The following RASGRP1 variants were observed in gnomAD, a reference collection of about 807,000 sequenced individuals.
RASGRP1 encodes the protein RAS guanyl releasing protein 1, also known as RAS guanyl-releasing protein 1.
A neutral mutation model predicts 95.1 loss-of-function variants in RASGRP1; 37 were observed. That is an observed-to-expected ratio of 0.39 (90% CI 0.30 to 0.51). RASGRP1 has a LOEUF of 0.51. Ranked by LOEUF, RASGRP1 falls within the 20% of genes least tolerant of loss-of-function variation. The pLI is 0.80. For missense variants in RASGRP1, 711 were observed against 965.4 expected (o/e 0.74, Z 3.49); for synonymous variants, 325 against 353.4 (o/e 0.92, Z 0.90).
chr15:38,553,572 C>G (rs1595882731), intron 2 of RASGRP1, among the ~76,000 whole-genome samples: 1 of 152,172 alleles, frequency 6.6e-6, no homozygotes, highest in East Asian at 1.9e-4. Flanking sequence ...TAGACCCTCC[C>G]AGCACCATAG....
At chr15:38,500,174 T>A (rs762523044) in intron 13 of RASGRP1, 35 bp from the exon 14 acceptor site, 2 of 1,607,798 alleles carry the variant, frequency 1.2e-6, no homozygotes, top group East Asian at 4.5e-5. Context: ...CCACATGTCA[T>A]TCATCCATCT....
At chr15:38,514,369 TATTC>T (rs1312105218) in intron 6 of RASGRP1, among the ~76,000 whole-genome samples, 1 of 152,164 alleles carries the variant, frequency 6.6e-6, no homozygotes, top group East Asian at 1.9e-4. Context: ...ATTTTGAATA[TATTC>T]ATTCAATTAA....
chr15:38,500,748 A>T (rs1389105415), intron 13 of RASGRP1, among the ~76,000 whole-genome samples: 1 of 152,182 alleles, frequency 6.6e-6, no homozygotes, highest in Non-Finnish European at 1.5e-5. Context: ...AGAGCCTTGC[A>T]TCAGGACCCG....
intron 4 of RASGRP1, among the ~76,000 whole-genome samples, chr15:38,518,998 A>G (rs62003618): frequency 6.6e-6 from 1 of 152,230 alleles, no homozygotes; most frequent in African/African-American, 2.4e-5. Flanking sequence ...ATTCTTTTCT[A>G]CATTTTTAAA....
At chr15:38,499,071 C>A (rs1418897808) in intron 14 of RASGRP1, 125 bp from the exon 15 acceptor site, 14 of 1,284,358 alleles carry the variant, frequency 1.1e-5, no homozygotes, top group Non-Finnish European at 1.6e-5. Flanking sequence ...GGAGCTAAGA[C>A]ACTTAACATT....
intron 3 of RASGRP1, among the ~76,000 whole-genome samples, chr15:38,524,970 C>T (rs372722920): frequency 0.039 from 5,516 of 140,858 alleles, 376 homozygotes; most frequent in African/African-American, 0.14. Context: ...AATTTTCTTT[C>T]TTTTTTTTTT....
At chr15:38,519,278 C>T in intron 4 of RASGRP1, 31 bp downstream of exon 4, 1 of 1,508,092 alleles carries the variant, frequency 6.6e-7, no homozygotes, top group Non-Finnish European at 9.2e-7. Flanking sequence ...CCTTGCTCCA[C>T]AAAGTCTTGA....
At chr15:38,544,117 G>C (rs1326217869) in intron 2 of RASGRP1, among the ~76,000 whole-genome samples, 1 of 152,044 alleles carries the variant, frequency 6.6e-6, no homozygotes, top group Non-Finnish European at 1.5e-5. Context: ...TCATATTCTA[G>C]GGCTAAAGTA....
intron 2 of RASGRP1, among the ~76,000 whole-genome samples, chr15:38,559,225 C>T (rs777980206): frequency 1.3e-4 from 20 of 152,194 alleles, no homozygotes; most frequent in Non-Finnish European, 2.6e-4. Flanking sequence ...CTGTGCCTCC[C>T]TCATGGTGGG....
At chr15:38,526,733 G>C (rs981250407) in intron 2 of RASGRP1, among the ~76,000 whole-genome samples, 4 of 152,124 alleles carry the variant, frequency 2.6e-5, no homozygotes, top group Non-Finnish European at 5.9e-5. Flanking sequence ...CATATAACTG[G>C]TTGGGGGGTG....
At chr15:38,502,976 C>T (rs2141093802) in intron 11 of RASGRP1, 1 of 438,532 alleles carries the variant, frequency 2.3e-6, no homozygotes, top group Non-Finnish European at 4.1e-6. Context: ...CTGATTACCC[C>T]TTACTATACT....
At chr15:38,525,432 T>C (rs111851699) in intron 3 of RASGRP1, among the ~76,000 whole-genome samples, 2 of 152,168 alleles carry the variant, frequency 1.3e-5, no homozygotes, top group South Asian at 4.1e-4. Context: ...CACCCACTTA[T>C]TACCTGCACC....
Position 38,532,313 on chromosome 15 carries a change from G to A in RASGRP1, c.221-5909C>T, listed in dbSNP as rs550295906. ...TTACAGGAAAAGACTTCTTTAAAGG[G>A]TTGAAGCCTCAGTGGGGTACACAAT... On this transcript the variant is annotated intron_variant, in intron 2 of 16. Coordinates refer to ENST00000310803, the MANE Select transcript of RASGRP1 (RefSeq NM_005739.4). Among the ~76,000 whole-genome samples, 67 of 152,282 alleles carry A rather than the reference G, an allele frequency of 4.4e-4. No homozygotes were observed. The South Asian group carries it at 0.013, about 31-fold the overall frequency.
chr15:38,503,337 C>A lies in RASGRP1; in HGVS notation c.1363G>T (p.Ala455Ser). 1 of 1,612,448 alleles carries A rather than the reference C, an allele frequency of 6.2e-7. No homozygotes were observed. The highest frequency in any genetic ancestry group is 8.5e-7 in the Non-Finnish European group (1 of 1,179,250). ...TCAGGTTTGGGAGACACTCCAGAAG[C>A]CCAGTCCACTACTACTGGTGGCTTT... ...PSKPPVVVDW[A>S]SGVSPKPDPK... Residue 455 changes from alanine to serine, a missense_variant, in exon 11 of 17, where the codon GCT becomes TCT. Coordinates refer to ENST00000310803, the MANE Select transcript of RASGRP1 (RefSeq NM_005739.4).
rs71418810 is a variant in RASGRP1, at chr15:38,493,179, C to CTTTTT, written c.2259+1198_2259+1202dup. Among the ~76,000 whole-genome samples the CTTTTT allele has an allele frequency of 2.0e-4, 21 of 104,532 alleles. 1 individual carries two copies. Among genetic ancestry groups the CTTTTT allele is most frequent in the Non-Finnish European group, 3.6e-4 (19 of 53,454 alleles). The allele number at this position is 104,532 out of a possible 152,430, so 68.6% of individuals were successfully genotyped here. ...ACAGGCGTGAGCCACCACGCCGGGC[C>CTTTTT]TTTTTTTTTTTTTTTTTTTTTTAAG... On this transcript the variant is annotated intron_variant, in intron 16 of 16. Transcript: ENST00000310803.
At chr15:38,555,317 A>G (rs550910934) in intron 2 of RASGRP1, among the ~76,000 whole-genome samples, 1 of 152,350 alleles carries the variant, frequency 6.6e-6, no homozygotes, top group South Asian at 2.1e-4. Context: ...ACTGATTCAC[A>G]CTTTGCTCAA....
rs144438778 is a variant in RASGRP1 at position 38,525,712 on chromosome 15, G to T, written c.326+587C>A. ...ACTCCGCCTACAACTCTTCTTTTGT[G>T]GGGGCTGCTGCTTACAGTGTCATCA... is the stretch of plus-strand genomic sequence containing the variant. On this transcript the variant is annotated intron_variant, in intron 3 of 16. Transcript: ENST00000310803. Among the ~76,000 whole-genome samples, 139 of 152,296 alleles carry T rather than the reference G, an allele frequency of 9.1e-4. 1 individual carries two copies. The highest frequency in any genetic ancestry group is 3.1e-3 in the African/African-American group (129 of 41,568).
Position 38,562,859 on chromosome 15 carries a change from A to C in RASGRP1, c.35+1735T>G, listed in dbSNP as rs780422651. Among the ~76,000 whole-genome samples the C allele has an allele frequency of 4.0e-4, 61 of 152,206 alleles. 2 individuals are homozygous for C. Among genetic ancestry groups the C allele is most frequent in the South Asian group, 1.5e-3 (7 of 4,824 alleles). On this transcript the variant is annotated intron_variant, in intron 1 of 16. Transcript: ENST00000310803. ...GTTTCCTAGTGTCACCAGTAAGAGAAACCGCTTTGTTTCATAAGTGGATTC... is the reference window on the plus strand; with the variant it reads ...GTTTCCTAGTGTCACCAGTAAGAGACACCGCTTTGTTTCATAAGTGGATTC...
intron 1 of RASGRP1, among the ~76,000 whole-genome samples, chr15:38,560,702 A>C (rs1335851633): frequency 6.6e-6 from 1 of 152,190 alleles, no homozygotes; most frequent in East Asian, 1.9e-4. Context: ...TTCATGGTTG[A>C]TAATACAGGT....
Sources: gnomAD v4.1 joint callset for allele counts (sites outside exome capture counted in the v4.1 genomes callset) on GRCh38, gnomAD v4.1.1 for gene constraint, MANE v1.5 for transcripts, NCBI Gene and HGNC (gene_info 2026-07-23, HGNC 2026-07-21) for gene names.